Variants in COPG2 observed in about 807,000 individuals in gnomAD.
The protein encoded by COPG2 is coatomer subunit gamma-2.
Under a neutral mutation model 46.3 loss-of-function variants are expected in COPG2, and 37 were observed. That is an observed-to-expected ratio of 0.80 (90% CI 0.61 to 1.05). The LOEUF (loss-of-function observed/expected upper bound fraction) is 1.05. Among genes scored for constraint, COPG2 ranks in the 50% least tolerant of loss-of-function variants. The probability of loss-of-function intolerance (pLI) is 0.00; values close to 1 mark genes in which losing one functional copy is unlikely to be tolerated. For synonymous variants in COPG2, 159 were observed against 129.7 expected (o/e 1.23, Z -1.53); for missense variants, 427 against 387.8 (o/e 1.10, Z -0.85).
intron 9 of COPG2, among the ~76,000 whole-genome samples, chr7:130,573,925 T>C (rs1293618088): frequency 6.6e-6 from 1 of 152,130 alleles, no homozygotes; most frequent in Non-Finnish European, 1.5e-5. Flanking sequence ...TTTTGGAAAA[T>C]AGTTTGGCAA....
intron 20 of COPG2, among the ~76,000 whole-genome samples, chr7:130,533,291 G>A (rs1217895877): frequency 4.6e-5 from 7 of 151,758 alleles, no homozygotes; most frequent in African/African-American, 1.7e-4. Context: ...GAAGCTCTAA[G>A]GTGTAGGGGT....
At chr7:130,525,149 G>A (rs1435089099) in intron 20 of COPG2, among the ~76,000 whole-genome samples, 6 of 152,278 alleles carry the variant, frequency 3.9e-5, no homozygotes, top group African/African-American at 1.2e-4. Context: ...GTTGGGTCAC[G>A]TAAGTGAATA....
At position 130,666,873 on chromosome 7, in the gene COPG2, T is replaced by C. The variant is rs373972023; in HGVS notation, c.147A>G (p.Thr49=). Residue 49 remains threonine, a synonymous_variant, in exon 3 of 24, where the codon ACA becomes ACG. Coordinates refer to ENST00000425248, the MANE Select transcript of COPG2 (RefSeq NM_012133.6). ...CCTGGTTCAGTAAGTAAAGAATCTT[T>C]GTAAGAATATGCAAACATCTTCTTG... is the stretch of plus-strand genomic sequence containing the variant. ...INPRRCLHIL[T]KILYLLNQGE... is the part of the protein sequence containing the mutation. 126 of 1,544,988 alleles carry C rather than the reference T, an allele frequency of 8.2e-5. No individual in the cohort carries two copies. In the African/African-American group the frequency reaches 1.3e-3, roughly 16 times the overall value.
At chr7:130,553,838 C>T (rs1041968446) in intron 14 of COPG2, among the ~76,000 whole-genome samples, 10 of 152,154 alleles carry the variant, frequency 6.6e-5, no homozygotes, top group Admixed American at 4.6e-4. Context: ...TGGGGTTTCA[C>T]GAAGTGTTCA....
intron 23 of COPG2, 90 bp from the exon 24 acceptor site, chr7:130,506,896 C>A: frequency 1.5e-6 from 1 of 645,700 alleles, no homozygotes; most frequent in Non-Finnish European, 2.8e-6. Context: ...CATCTCCTTT[C>A]TATTAGTTTA....
chr7:130,623,889 A>G (rs1795077306), intron 5 of COPG2, among the ~76,000 whole-genome samples: 2 of 152,190 alleles, frequency 1.3e-5, no homozygotes, highest in South Asian at 4.2e-4. Flanking sequence ...TTGTTTAAGT[A>G]TACTTTGAGT....
chr7:130,540,183 G>A (rs888596618), intron 20 of COPG2, among the ~76,000 whole-genome samples: 1 of 152,184 alleles, frequency 6.6e-6, no homozygotes, highest in African/African-American at 2.4e-5. Flanking sequence ...CTGGGTTGGA[G>A]GAAACTTTCT....
In COPG2 at chr7:130,612,146, C is replaced by A. The variant is rs907447642; in HGVS notation, c.579+6G>T. On this transcript the variant is annotated splice_donor_region_variant and intron_variant, in intron 8 of 23. Transcript: ENST00000425248. ...GAGACAAGCTAATGTGATTCAATGA[C>A]AATACCTGGACCATAATATTATCAC... 6.3e-7 allele frequency: 1 copy of A among 1,592,582 alleles called. No homozygotes were observed. The highest frequency in any genetic ancestry group is 1.7e-5 in the Admixed American group (1 of 59,810).
At chr7:130,665,416 C>A (rs1279605417) in intron 3 of COPG2, among the ~76,000 whole-genome samples, 1 of 152,046 alleles carries the variant, frequency 6.6e-6, no homozygotes, top group Non-Finnish European at 1.5e-5. Flanking sequence ...ATATAGTCAG[C>A]CCTCCATAAC....
At chr7:130,578,179 G>A (rs1205825574) in intron 9 of COPG2, among the ~76,000 whole-genome samples, 1 of 149,482 alleles carries the variant, frequency 6.7e-6, no homozygotes, top group African/African-American at 2.5e-5. Context: ...TCCTCAAGTG[G>A]GTCCCTGACC....
chr7:130,665,166 C>A (rs969997314), intron 3 of COPG2, among the ~76,000 whole-genome samples: 3 of 151,974 alleles, frequency 2.0e-5, no homozygotes, highest in Non-Finnish European at 4.4e-5. Flanking sequence ...GGTAACAGAG[C>A]GAGACTCCAT....
Position 130,583,674 on chromosome 7 carries a change from G to A in COPG2, c.738-19281C>T, listed in dbSNP as rs553417617. ...CAAAAAATTAGCCAGGCATGGTGGC[G>A]CATGCCTGTAGTCCCAGCTACTTGG... On this transcript the variant is annotated intron_variant, in intron 9 of 23. Transcript: ENST00000425248. Among the ~76,000 whole-genome samples, 79 of 149,822 alleles carry A rather than the reference G, an allele frequency of 5.3e-4. 1 individual carries two copies. Among genetic ancestry groups the A allele is most frequent in the African/African-American group, 1.8e-3 (72 of 41,004 alleles).
chr7:130,637,405 G>A (rs11760423), intron 5 of COPG2, among the ~76,000 whole-genome samples: 97,091 of 151,904 alleles, frequency 0.64, 33,798 homozygotes, highest in Non-Finnish European at 0.78. Flanking sequence ...CATATTTCTT[G>A]GAGGCTTTTT....
chr7:130,573,411 A>C (rs1793942828), intron 9 of COPG2, among the ~76,000 whole-genome samples: 1 of 152,094 alleles, frequency 6.6e-6, no homozygotes, highest in Non-Finnish European at 1.5e-5. Flanking sequence ...ATTACAGTAC[A>C]ATCTCCCTTC....
chr7:130,596,538 C>T (rs1388849106), intron 9 of COPG2, among the ~76,000 whole-genome samples: 3 of 152,130 alleles, frequency 2.0e-5, no homozygotes, highest in African/African-American at 7.2e-5. Context: ...AAGCAAAGCC[C>T]CAGGGGCCAT....
intron 5 of COPG2, among the ~76,000 whole-genome samples, chr7:130,631,652 T>G (rs1554455210): frequency 1.3e-5 from 2 of 152,250 alleles, no homozygotes; most frequent in Non-Finnish European, 2.9e-5. Flanking sequence ...GGATACAAAC[T>G]TTATAGTAAT....
chr7:130,593,605 A>G (rs1214539381), intron 9 of COPG2, among the ~76,000 whole-genome samples: 1 of 152,230 alleles, frequency 6.6e-6, no homozygotes, highest in Non-Finnish European at 1.5e-5. Flanking sequence ...ATGAGTCCAG[A>G]AATAGACCAA....
intron 20 of COPG2, among the ~76,000 whole-genome samples, chr7:130,510,380 C>T (rs1417086146): frequency 2.0e-5 from 3 of 152,130 alleles, no homozygotes; most frequent in African/African-American, 7.2e-5. Context: ...TGAAAGTTAA[C>T]ACAAGGCCAG....
intron 5 of COPG2, among the ~76,000 whole-genome samples, chr7:130,628,734 T>C (rs1467001665): frequency 7.2e-5 from 11 of 152,178 alleles, no homozygotes; most frequent in Admixed American, 7.2e-4. Context: ...CAATAAATTA[T>C]CAGTTTTTGT....
Sources: gnomAD v4.1 joint callset for allele counts (sites outside exome capture counted in the v4.1 genomes callset) on GRCh38, gnomAD v4.1.1 for gene constraint, MANE v1.5 for transcripts, NCBI Gene and HGNC (gene_info 2026-07-23, HGNC 2026-07-21) for gene names.